The following GPHN variants were observed in gnomAD, a reference collection of about 807,000 sequenced individuals.
GPHN encodes gephyrin.
GPHN carries 17 observed loss-of-function variants against 95.5 expected under a neutral mutation model. The observed-to-expected ratio is 0.18, with a 90% confidence interval of 0.12 to 0.27. The LOEUF (loss-of-function observed/expected upper bound fraction) is 0.27. Ranked by LOEUF, GPHN falls within the 10% of genes least tolerant of loss-of-function variation. GPHN has a pLI of 1.00. For missense variants in GPHN, 660 were observed against 978.1 expected (o/e 0.67, Z 4.34); for synonymous variants, 320 against 322.5 (o/e 0.99, Z 0.08).
intron 1 of GPHN, among the ~76,000 whole-genome samples, chr14:66,629,159 AT>A (rs1219765485): frequency 1.8e-5 from 2 of 108,978 alleles, no homozygotes; most frequent in African/African-American, 9.3e-5. Context: ...ATATATAAAT[AT>A]GTATATAAAT....
intron 2 of GPHN, among the ~76,000 whole-genome samples, chr14:66,694,341 T>C (rs1332602564): frequency 6.6e-6 from 1 of 152,138 alleles, no homozygotes. Context: ...TGCAGAACAG[T>C]GAGAAATAAA....
chr14:66,944,365 C>G (rs981461730), intron 8 of GPHN, among the ~76,000 whole-genome samples: 1 of 152,176 alleles, frequency 6.6e-6, no homozygotes. Flanking sequence ...GAGGCTAGAA[C>G]AAAACATTGC....
At chr14:67,228,434 G>A in the GPHN span, 36 of 311,876 alleles carry the variant, frequency 1.2e-4, no homozygotes, top group Non-Finnish European at 1.7e-4. Flanking sequence ...TTTAAAATCA[G>A]ATACAAACTA....
the GPHN span, chr14:67,360,159 C>G: frequency 1.4e-4 from 57 of 408,224 alleles, no homozygotes; most frequent in African/African-American, 1.0e-3. Flanking sequence ...CTATGTCTTT[C>G]TCGCGCCTTG....
the GPHN span, among the ~76,000 whole-genome samples, chr14:67,464,867 C>T: frequency 6.6e-6 from 1 of 152,236 alleles, no homozygotes; most frequent in Non-Finnish European, 1.5e-5. Context: ...TCAAGCTTCA[C>T]CCCCTGTCCT....
At chr14:66,947,541 T>C (rs977615974) in intron 8 of GPHN, among the ~76,000 whole-genome samples, 6 of 152,220 alleles carry the variant, frequency 3.9e-5, no homozygotes. Context: ...TAAATTTTGG[T>C]AAATATATCC....
At chr14:67,254,183 T>C in the GPHN span, 1 of 87,788 alleles carries the variant, frequency 1.1e-5, no homozygotes, top group African/African-American at 7.0e-5. Flanking sequence ...AGTGTCTTTC[T>C]TTTTTTTTTT....
chr14:66,882,611 A>T (rs2063982729), intron 5 of GPHN, among the ~76,000 whole-genome samples: 1 of 151,710 alleles, frequency 6.6e-6, no homozygotes, highest in Admixed American at 6.6e-5. Flanking sequence ...AAAGATGTTA[A>T]TAGTACCAAA....
the GPHN span, among the ~76,000 whole-genome samples, chr14:67,610,164 A>G: frequency 0.036 from 5,473 of 152,228 alleles, 258 homozygotes; most frequent in African/African-American, 0.11. Flanking sequence ...ATGCCTATTC[A>G]AGGATCCACA....
the GPHN span, chr14:67,208,425 C>T: frequency 6.1e-5 from 99 of 1,613,752 alleles, no homozygotes; most frequent in Non-Finnish European, 7.9e-5. Flanking sequence ...TTTCAGAGCA[C>T]AGCTCTCAAG....
chr14:67,102,858 GCA>G (rs1397866235), intron 13 of GPHN, among the ~76,000 whole-genome samples: 1 of 152,142 alleles, frequency 6.6e-6, no homozygotes, highest in Admixed American at 6.5e-5. Context: ...CTTCATTTTA[GCA>G]TCCAAAAATT....
chr14:67,598,950 T>TC, the GPHN span, among the ~76,000 whole-genome samples: 118,577 of 152,038 alleles, frequency 0.78, 46,470 homozygotes, highest in Middle Eastern at 0.84. Flanking sequence ...CCTCAAGTGA[T>TC]CCGCCCGCCT....
At chr14:66,592,358 G>T (rs772205251) in intron 1 of GPHN, among the ~76,000 whole-genome samples, 11 of 151,586 alleles carry the variant, frequency 7.3e-5, no homozygotes, top group Non-Finnish European at 1.0e-4. Context: ...TCATCACAGT[G>T]AACAGGCAGA....
the GPHN span, among the ~76,000 whole-genome samples, chr14:67,391,724 C>T: frequency 3.8e-4 from 58 of 152,166 alleles, no homozygotes; most frequent in African/African-American, 1.3e-3. Flanking sequence ...CACAGAATAC[C>T]CTTTTTGTTA....
chr14:66,596,473 G>A (rs1284327088), intron 1 of GPHN, among the ~76,000 whole-genome samples: 1 of 152,268 alleles, frequency 6.6e-6, no homozygotes, highest in Non-Finnish European at 1.5e-5. Flanking sequence ...CCTGCATCAA[G>A]CCACTCTTAG....
rs2078470524 is a variant in GPHN at position 67,113,101 on chromosome 14, C to A, written c.1556C>A (p.Ala519Glu). Residue 519 changes from alanine to glutamate, a missense_variant, in exon 16 of 23, where the codon GCA (alanine) becomes GAA (glutamate). Coordinates refer to ENST00000478722, the MANE Select transcript of GPHN (RefSeq NM_020806.5). ...HMGPSEIGLL[A>E]TVGVTEVEVN... ...GGCCCCTCAGAGATTGGTCTTCTGG[C>A]AACTGTAGGTGTCACAGAGGTTGAA... 2 of 1,613,480 alleles carry A rather than the reference C, an allele frequency of 1.2e-6. No individual in the cohort carries two copies. Among genetic ancestry groups the A allele is most frequent in the African/African-American group, 1.3e-5 (1 of 74,878 alleles).
At chr14:67,101,948 T>C (rs2077724186) in intron 13 of GPHN, among the ~76,000 whole-genome samples, 1 of 152,106 alleles carries the variant, frequency 6.6e-6, no homozygotes, top group Non-Finnish European at 1.5e-5. Context: ...CTCGGCTCAC[T>C]GCAAGCTCCG....
intron 2 of GPHN, among the ~76,000 whole-genome samples, chr14:66,725,102 C>A (rs1049460373): frequency 3.3e-5 from 5 of 152,144 alleles, no homozygotes; most frequent in African/African-American, 1.2e-4. Context: ...TACAGACTCA[C>A]CTCCTTCTCT....
intron 3 of GPHN, among the ~76,000 whole-genome samples, chr14:66,785,648 CA>C (rs970521222): frequency 2.9e-5 from 4 of 140,018 alleles, no homozygotes; most frequent in African/African-American, 1.0e-4. Context: ...TAAAACAAAC[CA>C]AAACAGTACT....
Sources: allele counts gnomAD v4.1 joint callset (sites outside exome capture counted in the v4.1 genomes callset), GRCh38; gene constraint gnomAD v4.1.1; transcripts MANE v1.5; gene names NCBI Gene and HGNC (gene_info 2026-07-23, HGNC 2026-07-21).